PPP6R1: variants seen among roughly 807,000 people sequenced by gnomAD.
The protein encoded by PPP6R1 is serine/threonine-protein phosphatase 6 regulatory subunit 1.
In PPP6R1, 39 loss-of-function variants were observed where a neutral mutation model predicts 104.6. The ratio of observed to expected loss-of-function variants is 0.37; its 90% CI spans 0.29 to 0.49. The LOEUF (loss-of-function observed/expected upper bound fraction) is 0.49, where lower values mean the gene tolerates loss of function less well. PPP6R1 is among the 20% of genes least tolerant of loss of function. The pLI, the probability that PPP6R1 is intolerant of heterozygous loss-of-function variation, is 0.98. For synonymous variants in PPP6R1, 549 were observed against 479.0 expected (o/e 1.15, Z -1.91); for missense variants, 1,181 against 1,155.8 (o/e 1.02, Z -0.32).
At chr19:55,243,386 CAG>C (rs2087477082) in intron 5 of PPP6R1, among the ~76,000 whole-genome samples, 1 of 130,840 alleles carries the variant, frequency 7.6e-6, no homozygotes, top group African/African-American at 3.1e-5. Context: ...GCACTCTAGA[CAG>C]AGCGAGACTC....
chr19:55,240,811 C>A (rs544503801), intron 10 of PPP6R1, 134 bp downstream of exon 10: 1 of 1,290,320 alleles, frequency 7.8e-7, no homozygotes, highest in Non-Finnish European at 1.1e-6. Context: ...CCTCCCACAC[C>A]CCATCTGGGC....
intron 15 of PPP6R1, among the ~76,000 whole-genome samples, chr19:55,238,182 G>A (rs1295466172): frequency 2.0e-5 from 3 of 151,348 alleles, no homozygotes; most frequent in African/African-American, 7.3e-5. Context: ...ATTAAGATGT[G>A]AGCCACTGTG....
At chr19:55,255,529 T>C (rs1248384498) in intron 1 of PPP6R1, 1 of 152,044 alleles carries the variant, frequency 6.6e-6, no homozygotes, top group African/African-American at 2.4e-5. Context: ...CAGCACTCTC[T>C]GGAGAAGGAC....
intron 5 of PPP6R1, among the ~76,000 whole-genome samples, chr19:55,244,006 C>G (rs778102999): frequency 3.9e-5 from 6 of 152,172 alleles, no homozygotes; most frequent in Admixed American, 6.5e-5. Context: ...ACCCTAAAAG[C>G]GCTGAATCGT....
chr19:55,239,789 C>A lies in PPP6R1; in HGVS notation c.1563+37G>T, dbSNP rs762095854. On this transcript the variant is annotated intron_variant, in intron 13 of 23. Transcript: ENST00000412770. ...CTAAGACTGGCCCAAGAGAGAGAAG[C>A]AGCAGGAGGAGTGCAGGAAGAGAAG... is the stretch of plus-strand genomic sequence containing the variant. 4.4e-6 allele frequency: 7 copies of A among 1,604,618 alleles called. 1 individual carries two copies. In the South Asian group the frequency reaches 7.8e-5, roughly 18 times the overall value.
At chr19:55,230,937 TGACACCCTCACATCCCACCC>T in intron 21 of PPP6R1, 53 bp from the exon 22 acceptor site, 1 of 1,422,676 alleles carries the variant, frequency 7.0e-7, no homozygotes, top group Non-Finnish European at 9.8e-7. Flanking sequence ...CGTCACCTGC[TGACACCCTCACATCCCACCC>T]GACTGAAGTC....
chr19:55,230,915 C>A, intron 21 of PPP6R1, 31 bp from the exon 22 acceptor site: 2 of 1,541,116 alleles, frequency 1.3e-6, no homozygotes, highest in Non-Finnish European at 1.8e-6. Context: ...CGGCTGTCAG[C>A]GTGGCCCCCA....
chr19:55,245,308 A>G lies in PPP6R1; in HGVS notation c.509T>C (p.Leu170Pro). 1 of 1,605,994 alleles carries G rather than the reference A, an allele frequency of 6.2e-7. No homozygotes were observed. The highest frequency in any genetic ancestry group is 8.5e-7 in the Non-Finnish European group (1 of 1,176,632). The change falls in exon 4 of 24, where the codon CTC becomes CCC. Residue 170 changes from leucine (L) to proline (P), a missense_variant. Transcript: ENST00000412770. The surrounding 1 kb of genome is among the most constrained non-coding windows in gnomAD (Gnocchi z 6.4). ...SAIMDLLLRL[L>P]TCVERPQLRQ... ...CAGCTGAGGCCGCTCCACACAGGTG[A>G]GCAGGCGCAGCAGGAGGTCCATGAT...
At position 55,245,487 on chromosome 19, in the gene PPP6R1, G is replaced by A. The variant is rs762419763; in HGVS notation, c.414+5C>T. On this transcript the variant is annotated splice_donor_5th_base_variant and intron_variant, in intron 3 of 23. Transcript: ENST00000412770. The surrounding 1 kb of genome is among the most constrained non-coding windows in gnomAD (Gnocchi z 6.4). Reference sequence around the variant, plus strand: ...ACGGTGGCGCCAGGGTGGGGGCCAGGGCACCTGGTCTGTCTTGCGGTTGAT... The same window carrying A: ...ACGGTGGCGCCAGGGTGGGGGCCAGAGCACCTGGTCTGTCTTGCGGTTGAT... 12 of 1,609,684 alleles carry A rather than the reference G, an allele frequency of 7.5e-6. 1 individual carries two copies. The South Asian group carries it at 1.2e-4, about 16-fold the overall frequency.
At chr19:55,250,550 C>A (rs560437316) in intron 1 of PPP6R1, among the ~76,000 whole-genome samples, 1 of 152,178 alleles carries the variant, frequency 6.6e-6, no homozygotes, top group Non-Finnish European at 1.5e-5. Flanking sequence ...CCTGAAGGGA[C>A]CTGTCTGGAT....
rs767521010 is a variant in PPP6R1 at position 55,240,284 on chromosome 19, C to A, written c.1313G>T (p.Arg438Leu). 6.3e-7 allele frequency: 1 copy of A among 1,593,044 alleles called. No individual in the cohort carries two copies. Among genetic ancestry groups the A allele is most frequent in the Non-Finnish European group, 8.5e-7 (1 of 1,170,600 alleles). Residue 438 changes from arginine to leucine, a missense_variant, in exon 11 of 24, where the codon CGC becomes CTC. By Grantham distance (102) the Arg-to-Leu change is moderately radical. Around this residue, in one of 2 missense-constraint regions of PPP6R1, gnomAD observed 1,042 missense variants for 955.6 expected, o/e 1.09. Coordinates refer to ENST00000412770, the MANE Select transcript of PPP6R1 (RefSeq NM_014931.4). ...PVVKHLLQQC[R>L]LVERILTSWE... is the part of the protein sequence containing the mutation. ...GGACGTCAGGATCCGCTCCACCAGGCGGCACTGCTGCAGCAGCTGCGGGAG... is the reference window on the plus strand; with the variant it reads ...GGACGTCAGGATCCGCTCCACCAGGAGGCACTGCTGCAGCAGCTGCGGGAG...
chr19:55,245,813 G>A lies in PPP6R1; in HGVS notation c.228-135C>T. 1.3e-6 allele frequency: 1 copy of A among 748,460 alleles called. No individual in the cohort carries two copies. Among genetic ancestry groups the A allele is most frequent in the Non-Finnish European group, 2.2e-6 (1 of 462,634 alleles). The allele number at this position is 748,460 out of a possible 1,614,324, so 46.4% of individuals were successfully genotyped here. A position where few individuals can be genotyped will look rare whatever the true frequency, so the allele number is the denominator to read the frequency against. On this transcript the variant is annotated intron_variant, in intron 2 of 23. Transcript: ENST00000412770. The surrounding 1 kb of genome is among the most constrained non-coding windows in gnomAD (Gnocchi z 6.4). ...GAGACCCCTGTCCAGGAAGGGGAAA[G>A]GGCAGAGGACAGGGTGACGCAGAAA...
intron 5 of PPP6R1, among the ~76,000 whole-genome samples, chr19:55,243,159 A>G (rs2087474161): frequency 6.6e-6 from 1 of 152,170 alleles, no homozygotes; most frequent in South Asian, 2.1e-4. Context: ...TCACGCCTGT[A>G]ATCCCAGCAC....
At chr19:55,229,137 CGA>C (rs977126314), downstream of PPP6R1, 4 of 204,610 alleles carry the variant, frequency 2.0e-5, no homozygotes, top group Admixed American at 1.9e-4. Flanking sequence ...GATGGGAAGG[CGA>C]GTCTGTCCTT....
rs1237182363 is a variant in PPP6R1 at position 55,251,162 on chromosome 19, T to C, written c.-6-4053A>G. ...GTCCACCACTGTCTCCCTGTCTCCC[T>C]GAGCTGTGCGTTCTGACCTGCCGCC... On this transcript the variant is annotated intron_variant, in intron 1 of 23. Transcript: ENST00000412770. Among the ~76,000 whole-genome samples, 3 of 152,304 alleles carry C rather than the reference T, an allele frequency of 2.0e-5. No individual in the cohort carries two copies. The South Asian group carries it at 6.2e-4, about 32-fold the overall frequency.
intron 21 of PPP6R1, 33 bp from the exon 22 acceptor site, chr19:55,230,917 T>G (rs758534624): frequency 6.5e-7 from 1 of 1,534,034 alleles, no homozygotes; most frequent in Non-Finnish European, 8.9e-7. Flanking sequence ...GCTGTCAGCG[T>G]GGCCCCCACC....
At chr19:55,232,779 A>T (rs1271491621) in intron 17 of PPP6R1, 1 of 152,774 alleles carries the variant, frequency 6.5e-6, no homozygotes, top group Non-Finnish European at 1.5e-5. Context: ...TGTGAGCATG[A>T]AGAAAATCCA....
At chr19:55,235,828 A>G (rs941233236) in intron 17 of PPP6R1, among the ~76,000 whole-genome samples, 20 of 134,918 alleles carry the variant, frequency 1.5e-4, no homozygotes, top group African/African-American at 5.3e-4. Context: ...GATTTTTTTT[A>G]ATTTGTTGAT....
At chr19:55,230,980 G>T in intron 21 of PPP6R1, 96 bp from the exon 22 acceptor site, 2 of 1,070,786 alleles carry the variant, frequency 1.9e-6, no homozygotes, top group Non-Finnish European at 2.8e-6. Context: ...CTCACTGGGT[G>T]TGTGTCTGCC....
Sources: gnomAD v4.1 joint callset for allele counts (sites outside exome capture counted in the v4.1 genomes callset) on GRCh38, gnomAD v4.1.1 for gene constraint, gnomAD v4.1.1 regional missense constraint, Gnocchi (gnomAD v3.1) non-coding constraint, MANE v1.5 for transcripts, NCBI Gene and HGNC (gene_info 2026-07-23, HGNC 2026-07-21) for gene names.